The following DTNA variants were observed in gnomAD, a reference collection of about 807,000 sequenced individuals.
DTNA encodes the protein dystrophin-related protein 3.
Under a neutral mutation model 100.7 loss-of-function variants are expected in DTNA, and 43 were observed. The ratio of observed to expected loss-of-function variants is 0.43; its 90% CI spans 0.33 to 0.55. The LOEUF (loss-of-function observed/expected upper bound fraction) is 0.55, where lower values mean the gene tolerates loss of function less well. Among genes scored for constraint, DTNA ranks in the 20% least tolerant of loss-of-function variants. The pLI, the probability that DTNA is intolerant of heterozygous loss-of-function variation, is 0.04. For synonymous variants in DTNA, 349 were observed against 347.9 expected, an observed-to-expected ratio of 1.00 and a Z score of -0.04; for missense variants, 798 against 953.9, an observed-to-expected ratio of 0.84 and a Z score of 2.15.
rs369109119 is a variant in DTNA at position 34,571,359 on chromosome 18, A to G, written c.-2+77845A>G. ...CTGTAGATACTCTTCCATTTTGCCA[A>G]CTCTCATACTGTGTGCTTACAGGTG... On this transcript the variant is annotated intron_variant, in intron 1 of 19. Coordinates refer to the DTNA transcript ENST00000283365. Among the ~76,000 whole-genome samples the G allele has an allele frequency of 2.6e-5, 4 of 152,058 alleles. No homozygotes were observed. The South Asian group carries it at 6.2e-4, about 24-fold the overall frequency.
intron 3 of DTNA, among the ~76,000 whole-genome samples, chr18:34,767,183 T>G (rs1181937872): frequency 6.6e-6 from 1 of 151,194 alleles, no homozygotes; most frequent in Admixed American, 6.6e-5. Context: ...TACACATAGT[T>G]CTATGATAAC....
At chr18:34,596,438 C>T (rs1442871290) in intron 1 of DTNA, among the ~76,000 whole-genome samples, 3 of 152,108 alleles carry the variant, frequency 2.0e-5, no homozygotes, top group Admixed American at 1.3e-4. Flanking sequence ...AGGCTCATCT[C>T]GAACTCCTGG....
At chr18:34,696,138 T>C (rs1013428631) in intron 1 of DTNA, among the ~76,000 whole-genome samples, 1 of 152,182 alleles carries the variant, frequency 6.6e-6, no homozygotes, top group Non-Finnish European at 1.5e-5. Flanking sequence ...TTTGGCCATA[T>C]GCTGGGACTT....
At chr18:34,851,407 C>G (rs553630695) in intron 14 of DTNA, among the ~76,000 whole-genome samples, 6 of 152,104 alleles carry the variant, frequency 3.9e-5, no homozygotes, top group South Asian at 4.1e-4. Context: ...TGGCCTAAAA[C>G]TATATTTTTA....
intron 3 of DTNA, among the ~76,000 whole-genome samples, chr18:34,784,491 T>C (rs1235788467): frequency 6.6e-6 from 1 of 152,190 alleles, no homozygotes; most frequent in East Asian, 1.9e-4. Context: ...TCTATGCACT[T>C]TCTGCTGTGT....
At chr18:34,864,169 T>C in intron 17 of DTNA, 107 bp downstream of exon 17, 1 of 970,908 alleles carries the variant, frequency 1.0e-6, no homozygotes, top group East Asian at 2.7e-5. Flanking sequence ...GTGATTTCCC[T>C]CAACATGTTG....
rs935864777 is a variant in DTNA, at chr18:34,858,136, C to G, written c.1533-149C>G. 4.1e-6 allele frequency: 3 copies of G among 733,566 alleles called. No homozygotes were observed. The African/African-American group carries it at 5.2e-5, about 13-fold the overall frequency. 45.4% of individuals were successfully genotyped at this position (733,566 alleles called of 1,614,324 possible). A position where few individuals can be genotyped will look rare whatever the true frequency, so the allele number is the denominator to read the frequency against. On this transcript the variant is annotated intron_variant, in intron 15 of 22. Coordinates refer to ENST00000444659, the MANE Select transcript of DTNA (RefSeq NM_001386795.1). The stretch of plus-strand genomic sequence containing the variant: ...CTATAGTCAAAGCCTCTTAAATACA[C>G]TGGAATCTGTTGGTTAGGGAAGGTC...
intron 1 of DTNA, among the ~76,000 whole-genome samples, chr18:34,629,833 A>G (rs2057835748): frequency 6.6e-6 from 1 of 152,096 alleles, no homozygotes; most frequent in African/African-American, 2.4e-5. Context: ...CTGGTCCCGC[A>G]ATCCTCCATA....
chr18:34,765,956 A>G lies in DTNA; in HGVS notation c.68-5A>G, dbSNP rs1243110074. Reference sequence around the variant, plus strand: ...TACCTTATGTGTCCTTTTTCCCCGCACTAGGGGCTCAAGATCTGGATCGCA... The same window carrying G: ...TACCTTATGTGTCCTTTTTCCCCGCGCTAGGGGCTCAAGATCTGGATCGCA... On this transcript the variant is annotated splice_polypyrimidine_tract_variant and splice_region_variant and intron_variant, in intron 2 of 22. Transcript: ENST00000444659. 4.3e-6 allele frequency: 7 copies of G among 1,613,568 alleles called. No individual in the cohort carries two copies. The highest frequency in any genetic ancestry group is 2.2e-5 in the East Asian group (1 of 44,880).
chr18:34,663,937 AT>A (rs1305452748), intron 1 of DTNA, among the ~76,000 whole-genome samples: 1 of 152,134 alleles, frequency 6.6e-6, no homozygotes, highest in Non-Finnish European at 1.5e-5. Flanking sequence ...TCATATATAG[AT>A]TTTTTTAAAA....
chr18:34,688,265 T>A (rs1258875917), intron 1 of DTNA, among the ~76,000 whole-genome samples: 1 of 152,226 alleles, frequency 6.6e-6, no homozygotes, highest in Non-Finnish European at 1.5e-5. Context: ...GGTTTATTTT[T>A]GCAGTAGCTG....
chr18:34,605,817 G>A (rs1477255409), intron 1 of DTNA, among the ~76,000 whole-genome samples: 1 of 152,034 alleles, frequency 6.6e-6, no homozygotes, highest in East Asian at 1.9e-4. Flanking sequence ...TTCTCTCAAT[G>A]GCTGCAGTAC....
chr18:34,612,757 C>T (rs2054483962), intron 1 of DTNA, among the ~76,000 whole-genome samples: 1 of 152,142 alleles, frequency 6.6e-6, no homozygotes, highest in South Asian at 2.1e-4. Context: ...AAACATTTCC[C>T]CACCAATGTG....
intron 1 of DTNA, among the ~76,000 whole-genome samples, chr18:34,575,672 T>C (rs780414619): frequency 6.6e-6 from 1 of 152,248 alleles, no homozygotes; most frequent in Non-Finnish European, 1.5e-5. Context: ...AGCTGTGTTT[T>C]ACTTTTCTGA....
chr18:34,551,755 T>C (rs2045443313), intron 1 of DTNA, among the ~76,000 whole-genome samples: 2 of 152,166 alleles, frequency 1.3e-5, no homozygotes, highest in South Asian at 4.1e-4. Flanking sequence ...CTGAATGCCA[T>C]TTAAAAATAT....
intron 17 of DTNA, chr18:34,867,381 A>G (rs1456798610): frequency 8.1e-7 from 1 of 1,229,158 alleles, no homozygotes; most frequent in Non-Finnish European, 1.0e-6. Context: ...AATTAAAGTC[A>G]AATTTTAACA....
intron 14 of DTNA, among the ~76,000 whole-genome samples, chr18:34,849,467 G>A (rs2096442558): frequency 1.3e-5 from 2 of 152,170 alleles, no homozygotes; most frequent in Non-Finnish European, 2.9e-5. Flanking sequence ...GCAAAGCAGT[G>A]CTTCTTTGAG....
At chr18:34,878,894 C>T (rs1166897349) in intron 19 of DTNA, among the ~76,000 whole-genome samples, 1 of 152,114 alleles carries the variant, frequency 6.6e-6, no homozygotes, top group Non-Finnish European at 1.5e-5. Context: ...AGAAATAAAA[C>T]TTCAGTTTTA....
intron 1 of DTNA, among the ~76,000 whole-genome samples, chr18:34,497,171 G>T (rs766573436): frequency 3.0e-4 from 45 of 152,054 alleles, no homozygotes; most frequent in African/African-American, 3.9e-4. Flanking sequence ...AGGTTTTTTT[G>T]TTGTTGTTGT....
Sources: allele counts gnomAD v4.1 joint callset (sites outside exome capture counted in the v4.1 genomes callset), GRCh38; gene constraint gnomAD v4.1.1; transcripts MANE v1.5; gene names NCBI Gene and HGNC (gene_info 2026-07-23, HGNC 2026-07-21).